RTF1: variants seen among roughly 807,000 people sequenced by gnomAD.
RTF1 encodes the protein RNA polymerase-associated protein RTF1 homolog.
A neutral mutation model predicts 95.7 loss-of-function variants in RTF1; 10 were observed. That is an observed-to-expected ratio of 0.10 (90% CI 0.06 to 0.18). RTF1 has a LOEUF of 0.18. Among genes scored for constraint, RTF1 ranks in the 10% least tolerant of loss-of-function variants. The pLI, the probability that RTF1 is intolerant of heterozygous loss-of-function variation, is 1.00. For synonymous variants in RTF1, 305 were observed against 311.8 expected (o/e 0.98, Z 0.23); for missense variants, 458 against 875.6 (o/e 0.52, Z 6.02).
chr15:41,470,691 C>T (rs1337493846), intron 7 of RTF1, among the ~76,000 whole-genome samples: 1 of 127,058 alleles, frequency 7.9e-6, no homozygotes, highest in Non-Finnish European at 1.6e-5. Flanking sequence ...CGGAGTCTCG[C>T]TCTGTCGCCC....
intron 1 of RTF1, among the ~76,000 whole-genome samples, chr15:41,426,122 CA>C (rs916752376): frequency 6.3e-4 from 90 of 143,500 alleles, no homozygotes; most frequent in Non-Finnish European, 1.0e-3. Flanking sequence ...CTGATCTCTA[CA>C]AAAAAAAAAA....
intron 4 of RTF1, among the ~76,000 whole-genome samples, chr15:41,463,446 C>G (rs1445148833): frequency 6.6e-6 from 1 of 152,186 alleles, no homozygotes; most frequent in Non-Finnish European, 1.5e-5. Context: ...AGTTTCTCCA[C>G]CTCTTCACTA....
intron 1 of RTF1, among the ~76,000 whole-genome samples, chr15:41,430,194 T>C (rs1157410424): frequency 6.8e-6 from 1 of 147,858 alleles, no homozygotes; most frequent in Non-Finnish European, 1.5e-5. Context: ...TTTTTTTTTT[T>C]TTGAGACAGA....
intron 9 of RTF1, among the ~76,000 whole-genome samples, chr15:41,475,324 C>G (rs891962112): frequency 1.3e-5 from 2 of 152,196 alleles, no homozygotes. Context: ...ACTGACCAAG[C>G]CCATTTGGTT....
rs2050902950 is a variant in RTF1 at position 41,470,200 on chromosome 15, G to A, written c.890-57G>A. ...CTTCCATTTCCAGTTCTTTTTCAAGGATGAATTCATTTTCTTGTTGAGAAA... is the reference window on the plus strand; with the variant it reads ...CTTCCATTTCCAGTTCTTTTTCAAGAATGAATTCATTTTCTTGTTGAGAAA... On this transcript the variant is annotated intron_variant, in intron 6 of 17. Coordinates refer to ENST00000389629, the MANE Select transcript of RTF1 (RefSeq NM_015138.5). 2.0e-5 allele frequency: 31 copies of A among 1,574,340 alleles called. No homozygotes were observed. The South Asian group carries it at 3.2e-4, about 16-fold the overall frequency.
intron 1 of RTF1, among the ~76,000 whole-genome samples, chr15:41,423,213 G>C (rs538184244): frequency 6.6e-6 from 1 of 152,126 alleles, no homozygotes; most frequent in African/African-American, 2.4e-5. Flanking sequence ...AGTGTTTTCC[G>C]CATTAATCAG....
chr15:41,478,526 T>G, intron 14 of RTF1, 22 bp from the exon 15 acceptor site: 1 of 1,606,010 alleles, frequency 6.2e-7, no homozygotes, highest in Non-Finnish European at 8.5e-7. Flanking sequence ...TGCAGTTCTG[T>G]GGTGCATGCT....
In RTF1 at chr15:41,455,772, G is replaced by C. The variant is rs568809333; in HGVS notation, c.458-1900G>C. Reference sequence around the variant, plus strand: ...AGATCAGGCAATAGAGTGAGACTCTGTCTCCAAAAAAAAAAAAAAGAATGA... The same window carrying C: ...AGATCAGGCAATAGAGTGAGACTCTCTCTCCAAAAAAAAAAAAAAGAATGA... On this transcript the variant is annotated intron_variant, in intron 3 of 17. Transcript: ENST00000389629. Among the ~76,000 whole-genome samples the C allele has an allele frequency of 7.3e-5, 11 of 150,474 alleles. No homozygotes were observed. In the South Asian group the frequency reaches 2.3e-3, roughly 32 times the overall value.
intron 1 of RTF1, among the ~76,000 whole-genome samples, chr15:41,426,242 G>A (rs2050628746): frequency 6.6e-6 from 1 of 151,952 alleles, no homozygotes; most frequent in African/African-American, 2.4e-5. Context: ...TCGTGCCTCA[G>A]CCTCCTGAGT....
At chr15:41,479,690 G>A (rs1266000200) in intron 16 of RTF1, among the ~76,000 whole-genome samples, 2 of 151,898 alleles carry the variant, frequency 1.3e-5, no homozygotes, top group African/African-American at 2.4e-5. Flanking sequence ...GTAGAACCCC[G>A]TCTCTACTAA....
intron 4 of RTF1, among the ~76,000 whole-genome samples, chr15:41,460,750 G>T (rs954000016): frequency 6.6e-6 from 1 of 151,746 alleles, no homozygotes; most frequent in African/African-American, 2.4e-5. Flanking sequence ...CAGGAGTGCA[G>T]TGGTGTGAAC....
At chr15:41,470,217 G>A (rs767546483) in intron 6 of RTF1, 40 bp from the exon 7 acceptor site, 4 of 1,592,670 alleles carry the variant, frequency 2.5e-6, no homozygotes, top group African/African-American at 2.7e-5. Context: ...TCATTTTCTT[G>A]TTGAGAAAAC....
At chr15:41,468,594 G>A (rs1050805930) in intron 6 of RTF1, among the ~76,000 whole-genome samples, 2 of 152,136 alleles carry the variant, frequency 1.3e-5, no homozygotes, top group African/African-American at 2.4e-5. Context: ...TGGGATTACA[G>A]GTGTGAGCCA....
At chr15:41,455,313 CAA>C (rs1274614247) in intron 3 of RTF1, among the ~76,000 whole-genome samples, 38 of 76,106 alleles carry the variant, frequency 5.0e-4, no homozygotes, top group Admixed American at 7.4e-4. Flanking sequence ...ACTCTGTCTC[CAA>C]AAAAAAAAAA....
chr15:41,422,296 G>A (rs568317892), intron 1 of RTF1, among the ~76,000 whole-genome samples: 14 of 152,190 alleles, frequency 9.2e-5, no homozygotes, highest in African/African-American at 3.4e-4. Flanking sequence ...TTTAACCTTT[G>A]AAAGTTTTTA....
At chr15:41,436,161 G>A (rs1263503142) in intron 1 of RTF1, among the ~76,000 whole-genome samples, 1 of 151,844 alleles carries the variant, frequency 6.6e-6, no homozygotes, top group Non-Finnish European at 1.5e-5. Flanking sequence ...ACAAAAATTA[G>A]CCAGGCATGG....
intron 4 of RTF1, among the ~76,000 whole-genome samples, chr15:41,463,072 T>G (rs1423543166): frequency 1.3e-5 from 2 of 152,226 alleles, no homozygotes; most frequent in African/African-American, 4.8e-5. Flanking sequence ...TTTATATAAA[T>G]GAAATCATAA....
chr15:41,446,218 G>T (rs891250131), intron 2 of RTF1, among the ~76,000 whole-genome samples: 11 of 151,980 alleles, frequency 7.2e-5, no homozygotes, highest in Non-Finnish European at 1.5e-4. Context: ...AATGTTACAG[G>T]GTCTTAGAGA....
At chr15:41,478,114 A>C (rs910317995) in intron 14 of RTF1, among the ~76,000 whole-genome samples, 2 of 133,752 alleles carry the variant, frequency 1.5e-5, no homozygotes, top group African/African-American at 5.7e-5. Flanking sequence ...AAAATAAAAA[A>C]AATTAGCCGG....
Sources: gnomAD v4.1 joint callset for allele counts (sites outside exome capture counted in the v4.1 genomes callset) on GRCh38, gnomAD v4.1.1 for gene constraint, MANE v1.5 for transcripts, NCBI Gene and HGNC (gene_info 2026-07-23, HGNC 2026-07-21) for gene names.